Variants in SH3PXD2B observed in about 807,000 individuals in gnomAD.
The protein encoded by SH3PXD2B is SH3 and PX domains 2B, also known as SH3 and PX domain-containing protein 2B.
A neutral mutation model predicts 73.1 loss-of-function variants in SH3PXD2B; 37 were observed. That is an observed-to-expected ratio of 0.51 (90% CI 0.39 to 0.67). The LOEUF is 0.67. SH3PXD2B is among the 30% of genes least tolerant of loss of function. The pLI, the probability that SH3PXD2B is intolerant of heterozygous loss-of-function variation, is 0.00. For missense variants in SH3PXD2B, 1,053 were observed against 1,197.8 expected (o/e 0.88, Z 1.78); for synonymous variants, 457 against 480.5 (o/e 0.95, Z 0.64).
At chr5:172,398,929 C>T (rs1758367443) in intron 3 of SH3PXD2B, among the ~76,000 whole-genome samples, 1 of 152,210 alleles carries the variant, frequency 6.6e-6, no homozygotes, top group African/African-American at 2.4e-5. Flanking sequence ...CACTCCCTTA[C>T]TGGACTAATA....
At chr5:172,368,128 T>C (rs942114892) in intron 6 of SH3PXD2B, among the ~76,000 whole-genome samples, 4 of 152,094 alleles carry the variant, frequency 2.6e-5, no homozygotes, top group Admixed American at 1.3e-4. Flanking sequence ...ATTTTGCATT[T>C]GCTGTTCCCT....
At chr5:172,391,517 C>T (rs1314398140) in intron 4 of SH3PXD2B, among the ~76,000 whole-genome samples, 1 of 152,192 alleles carries the variant, frequency 6.6e-6, no homozygotes, top group Non-Finnish European at 1.5e-5. Flanking sequence ...GGCTGGAGTG[C>T]AGTGGCACGA....
chr5:172,382,794 C>G (rs1757978806), intron 4 of SH3PXD2B, among the ~76,000 whole-genome samples: 1 of 152,096 alleles, frequency 6.6e-6, no homozygotes, highest in South Asian at 2.1e-4. Context: ...AGTGGTGCAG[C>G]CTCGGCTCAC....
intron 3 of SH3PXD2B, among the ~76,000 whole-genome samples, chr5:172,394,862 T>C (rs1758260968): frequency 6.6e-6 from 1 of 152,190 alleles, no homozygotes; most frequent in South Asian, 2.1e-4. Flanking sequence ...CTTGGGGGAA[T>C]GGGACCCACG....
intron 3 of SH3PXD2B, among the ~76,000 whole-genome samples, chr5:172,400,651 A>T (rs772081090): frequency 6.6e-6 from 1 of 152,218 alleles, no homozygotes; most frequent in Non-Finnish European, 1.5e-5. Flanking sequence ...AGATCCAGAC[A>T]TTCTGCTTTA....
At chr5:172,332,271 T>TTTTTC, downstream of SH3PXD2B, among the ~76,000 whole-genome samples, 1 of 150,960 alleles carries the variant, frequency 6.6e-6, no homozygotes, top group African/African-American at 2.4e-5. Flanking sequence ...TTTTTTTTTT[T>TTTTTC]GCGACACAGT....
At chr5:172,439,238 G>GAAAAAAAAAAAA (rs922645535) in intron 1 of SH3PXD2B, among the ~76,000 whole-genome samples, 4 of 33,220 alleles carry the variant, frequency 1.2e-4, no homozygotes, top group African/African-American at 2.9e-4. Context: ...AGAAAAAACA[G>GAAAAAAAAAAAA]AAAAAAAAAA....
At chr5:172,382,863 G>A (rs538570439) in intron 4 of SH3PXD2B, among the ~76,000 whole-genome samples, 2 of 151,660 alleles carry the variant, frequency 1.3e-5, no homozygotes, top group African/African-American at 2.4e-5. Flanking sequence ...TGAGTAGCTG[G>A]GATTATAGGC....
At chr5:172,369,660 C>A (rs768684759) in intron 6 of SH3PXD2B, among the ~76,000 whole-genome samples, 36 of 152,088 alleles carry the variant, frequency 2.4e-4, no homozygotes, top group Non-Finnish European at 4.4e-4. Flanking sequence ...CCCAGCTACT[C>A]GGGAGGCTGA....
chr5:172,325,456 T>C (rs1264010423), intron 12 of SH3PXD2B: 6 of 926,386 alleles, frequency 6.5e-6, no homozygotes, highest in Non-Finnish European at 8.3e-6. Context: ...CCTGGGACTT[T>C]GTCTGTTTGT....
chr5:172,400,578 T>C (rs573658273), intron 3 of SH3PXD2B, among the ~76,000 whole-genome samples: 16 of 152,308 alleles, frequency 1.1e-4, no homozygotes, highest in Non-Finnish European at 2.2e-4. Flanking sequence ...ACTGCAAGTA[T>C]GGGAAGGGAA....
intron 2 of SH3PXD2B, among the ~76,000 whole-genome samples, chr5:172,415,226 T>C (rs536893380): frequency 6.6e-6 from 1 of 152,258 alleles, no homozygotes; most frequent in South Asian, 2.1e-4. Context: ...GGGGACACAA[T>C]GAACCAGTGG....
chr5:172,329,081 A>ATTTTTTT (rs67185423), downstream of SH3PXD2B, among the ~76,000 whole-genome samples: 639 of 68,016 alleles, frequency 9.4e-3, 13 homozygotes, highest in African/African-American at 0.021. Flanking sequence ...ATATATATAT[A>ATTTTTTT]TATTTTTTTT....
At chr5:172,414,196 C>T (rs1193137645) in intron 2 of SH3PXD2B, among the ~76,000 whole-genome samples, 1 of 152,172 alleles carries the variant, frequency 6.6e-6, no homozygotes, top group Non-Finnish European at 1.5e-5. Context: ...AGGCCGGGCG[C>T]AGTGGCTCAC....
intron 3 of SH3PXD2B, among the ~76,000 whole-genome samples, chr5:172,400,853 C>T (rs1758407583): frequency 6.6e-6 from 1 of 152,242 alleles, no homozygotes; most frequent in African/African-American, 2.4e-5. Context: ...AAGGAATCTG[C>T]ATTCTGGTAA....
chr5:172,336,294 G>A lies in SH3PXD2B; in HGVS notation c.*2075C>T. On this transcript the variant is annotated 3_prime_UTR_variant, in exon 13 of 13. Transcript: ENST00000311601. ...AGTGGATCAAGAACTCAGGAAAACT[G>A]CCATGGGGCCTCCTCTCAAGGGAGG... The A allele has an allele frequency of 1.0e-6, 1 of 985,530 alleles. No homozygotes were observed. Among genetic ancestry groups the A allele is most frequent in the Non-Finnish European group, 1.2e-6 (1 of 829,960 alleles). The allele number at this position is 985,530 out of a possible 1,614,324, so 61.0% of individuals were successfully genotyped here.
chr5:172,347,448 C>T, intron 10 of SH3PXD2B, 116 bp from the exon 11 acceptor site: 1 of 1,020,174 alleles, frequency 9.8e-7, no homozygotes, highest in Non-Finnish European at 1.5e-6. Context: ...CTGCATGCTG[C>T]TGCAACCCTC....
chr5:172,332,870 T>C (rs777304837), downstream of SH3PXD2B, among the ~76,000 whole-genome samples: 43 of 151,724 alleles, frequency 2.8e-4, no homozygotes, highest in South Asian at 8.3e-4. Flanking sequence ...CAGGAGCAGA[T>C]GGCTTGGGCA....
At chr5:172,365,192 A>G (rs1282953476) in intron 6 of SH3PXD2B, among the ~76,000 whole-genome samples, 1 of 152,224 alleles carries the variant, frequency 6.6e-6, no homozygotes, top group East Asian at 1.9e-4. Context: ...CAGAAGATGC[A>G]GGCTGATGGT....
Sources: gnomAD v4.1 joint callset for allele counts (sites outside exome capture counted in the v4.1 genomes callset) on GRCh38, gnomAD v4.1.1 for gene constraint, MANE v1.5 for transcripts, NCBI Gene and HGNC (gene_info 2026-07-23, HGNC 2026-07-21) for gene names.